Variants in GLYATL3 observed in about 807,000 individuals in gnomAD.
GLYATL3 encodes glycine N-acyltransferase-like protein 3.
Under a neutral mutation model 28.5 loss-of-function variants are expected in GLYATL3, and 31 were observed. The observed-to-expected ratio is 1.09, with a 90% confidence interval of 0.82 to 1.47. GLYATL3 has a LOEUF of 1.47. Ranked by LOEUF, GLYATL3 falls within the 40% of genes most tolerant of loss-of-function variation. The pLI, the probability that GLYATL3 is intolerant of heterozygous loss-of-function variation, is 0.00. For synonymous variants in GLYATL3, 141 were observed against 140.2 expected, an observed-to-expected ratio of 1.01 and a Z score of -0.04; for missense variants, 369 against 351.5, an observed-to-expected ratio of 1.05 and a Z score of -0.40.
rs951665406 is a variant in GLYATL3, at chr6:49,526,562, G to T, written c.515G>T (p.Gly172Val). Reference sequence around the variant, plus strand: ...CTACTCAACCGGACTTGGTCCCGGGGAGGCAATGAACAATGTCTCCGGTAC... The same window carrying T: ...CTACTCAACCGGACTTGGTCCCGGGTAGGCAATGAACAATGTCTCCGGTAC... ...ADLLNRTWSR[G>V]GNEQCLRYIA... The change falls in exon 6 of 6, where the codon GGA becomes GTA. Residue 172 changes from glycine (G) to valine (V), a missense_variant. Coordinates refer to ENST00000371197, the MANE Select transcript of GLYATL3 (RefSeq NM_001010904.2). 1.3e-6 allele frequency: 2 copies of T among 1,551,732 alleles called. No homozygotes were observed. The highest frequency in any genetic ancestry group is 2.7e-5 in the African/African-American group (2 of 73,044).
intron 1 of GLYATL3, among the ~76,000 whole-genome samples, chr6:49,511,343 T>C (rs1452600620): frequency 1.3e-5 from 2 of 152,104 alleles, no homozygotes; most frequent in African/African-American, 4.8e-5. Flanking sequence ...CTAAAATGAG[T>C]GTCAGCCTTT....
In GLYATL3 at chr6:49,518,951, GA is replaced by G. The variant is rs1253278584; in HGVS notation, c.313+1402del. On this transcript the variant is annotated intron_variant, in intron 4 of 5. Transcript: ENST00000371197. The stretch of plus-strand genomic sequence containing the variant: ...GCGAGACTCCATCTCAAAAAAAAAA[GA>G]AAAAAATTATTCGTAAATGCGCAAA... Among the ~76,000 whole-genome samples the G allele has an allele frequency of 1.1e-4, 16 of 146,686 alleles. No individual in the cohort carries two copies. The South Asian group carries it at 2.4e-3, about 22-fold the overall frequency.
intron 2 of GLYATL3, among the ~76,000 whole-genome samples, chr6:49,513,992 T>A (rs2035760280): frequency 6.6e-6 from 1 of 152,138 alleles, no homozygotes; most frequent in Non-Finnish European, 1.5e-5. Context: ...CCAATGTCCT[T>A]ATAAACAAAA....
chr6:49,527,012 CTT>C lies in GLYATL3; in HGVS notation c.*99_*100del. 2 of 918,410 alleles carry C rather than the reference CTT, an allele frequency of 2.2e-6. No individual in the cohort carries two copies. Among genetic ancestry groups the C allele is most frequent in the Non-Finnish European group, 3.2e-6 (2 of 626,372 alleles). 56.9% of individuals were successfully genotyped at this position (918,410 alleles called of 1,614,324 possible). A position where few individuals can be genotyped will look rare whatever the true frequency, so the allele number is the denominator to read the frequency against. ...GAGTTAAAATGGGAATCAGGGGACTCTTGAGTTGTTGGAAAGGGTCTGGAGAA... is the reference window on the plus strand; with the variant it reads ...GAGTTAAAATGGGAATCAGGGGACTCGAGTTGTTGGAAAGGGTCTGGAGAA... On this transcript the variant is annotated 3_prime_UTR_variant, in exon 6 of 6. Coordinates refer to ENST00000371197, the MANE Select transcript of GLYATL3 (RefSeq NM_001010904.2).
rs143728860 is a variant in GLYATL3, at chr6:49,524,744, C to T, written c.441-1744C>T. Among the ~76,000 whole-genome samples, 1,080 of 151,634 alleles carry T rather than the reference C, an allele frequency of 7.1e-3. 11 individuals carry two copies. Among genetic ancestry groups the T allele is most frequent in the Non-Finnish European group, 0.01 (707 of 67,864 alleles). On this transcript the variant is annotated intron_variant, in intron 5 of 5. Transcript: ENST00000371197. ...TCACACCTGTAATCCCAGCACTTGC[C>T]GAGGCGGGTAGATCACCCTGAGGTC...
At chr6:49,518,784 CAA>C (rs930274290) in intron 4 of GLYATL3, among the ~76,000 whole-genome samples, 11 of 151,656 alleles carry the variant, frequency 7.3e-5, no homozygotes, top group African/African-American at 1.2e-4. Flanking sequence ...ACTAAAAATA[CAA>C]AAAAATTAGC....
chr6:49,515,392 C>T (rs1769196912), intron 2 of GLYATL3, among the ~76,000 whole-genome samples: 1 of 152,152 alleles, frequency 6.6e-6, no homozygotes, highest in South Asian at 2.1e-4. Flanking sequence ...TGGTACCTCT[C>T]ACTGCTATCC....
chr6:49,515,631 GTC>G lies in GLYATL3; in HGVS notation c.79-18_79-17del. ...AAACAGCTAATAGTATGATTGGCTTGTCTCTGGGTTATCTGACTCAGGTTTAC... is the reference window on the plus strand; with the variant it reads ...AAACAGCTAATAGTATGATTGGCTTGTCTGGGTTATCTGACTCAGGTTTAC... On this transcript the variant is annotated intron_variant, in intron 2 of 5. Transcript: ENST00000371197. The G allele has an allele frequency of 7.2e-7, 1 of 1,386,154 alleles. No homozygotes were observed. 85.9% of individuals were successfully genotyped at this position (1,386,154 alleles called of 1,614,324 possible).
In GLYATL3 at chr6:49,501,129, G is replaced by T. The variant is rs1047824431; in HGVS notation, c.-29+1087G>T. On this transcript the variant is annotated intron_variant, in intron 1 of 5. Transcript: ENST00000371197. ...ATTAAGAAGCTGGAGGCCAGGCAGG[G>T]TGGCTCACACCTGTAATCCCAGCAC... Among the ~76,000 whole-genome samples the T allele has an allele frequency of 7.2e-5, 11 of 152,288 alleles. No individual in the cohort carries two copies. In the South Asian group the frequency reaches 1.9e-3, roughly 26 times the overall value.
chr6:49,504,704 T>C (rs1768979402), intron 1 of GLYATL3, among the ~76,000 whole-genome samples: 1 of 152,132 alleles, frequency 6.6e-6, no homozygotes, highest in Non-Finnish European at 1.5e-5. Flanking sequence ...GGAATATGAG[T>C]AATATGTTTA....
In GLYATL3 at chr6:49,526,289, T is replaced by C. The variant is rs1769410471; in HGVS notation, c.441-199T>C. ...ATTAGCTGGGATGGTGACGGGTGCC[T>C]GTAATCCCAGCTACTTGGGAGGCTG... On this transcript the variant is annotated intron_variant, in intron 5 of 5. Transcript: ENST00000371197. Among the ~76,000 whole-genome samples the C allele has an allele frequency of 2.0e-5, 3 of 152,160 alleles. No homozygotes were observed. The South Asian group carries it at 6.3e-4, about 32-fold the overall frequency.
At chr6:49,505,289 C>T (rs12198507) in intron 1 of GLYATL3, among the ~76,000 whole-genome samples, 12,971 of 152,184 alleles carry the variant, frequency 0.085, 632 homozygotes, top group Non-Finnish European at 0.11. Context: ...AGATTAGTGT[C>T]AGTAATATTT....
chr6:49,517,574 A>T lies in GLYATL3; in HGVS notation c.313+18A>T, dbSNP rs1769239296. 6.5e-7 allele frequency: 1 copy of T among 1,541,298 alleles called. No individual in the cohort carries two copies. Among genetic ancestry groups the T allele is most frequent in the Admixed American group, 2.0e-5 (1 of 49,640 alleles). ...AATACAAGGTGAGGTCAAGTGCAAG[A>T]CTTATATTACACAGTCTTTTTTTTC... On this transcript the variant is annotated intron_variant, in intron 4 of 5. Transcript: ENST00000371197.
chr6:49,504,096 G>A (rs1049755481), intron 1 of GLYATL3, among the ~76,000 whole-genome samples: 5 of 152,184 alleles, frequency 3.3e-5, no homozygotes, highest in Admixed American at 6.5e-5. Flanking sequence ...GTGACAGAGG[G>A]TAAAAGGATC....
At chr6:49,522,269 C>T (rs554020880) in intron 5 of GLYATL3, among the ~76,000 whole-genome samples, 2 of 152,210 alleles carry the variant, frequency 1.3e-5, no homozygotes, top group Admixed American at 1.3e-4. Context: ...CCCTCCCACC[C>T]CCACACACCT....
intron 1 of GLYATL3, among the ~76,000 whole-genome samples, chr6:49,500,840 G>T (rs942152700): frequency 3.3e-5 from 5 of 152,154 alleles, no homozygotes; most frequent in African/African-American, 1.2e-4. Context: ...TTACAAAAAT[G>T]TGTAGAAAAT....
intron 1 of GLYATL3, among the ~76,000 whole-genome samples, chr6:49,504,274 G>C (rs1032482200): frequency 1.5e-5 from 2 of 130,926 alleles, no homozygotes; most frequent in Admixed American, 1.6e-4. Context: ...TGTGTTAGTT[G>C]TTTTTTGCTG....
Position 49,501,578 on chromosome 6 carries a change from G to A in GLYATL3, c.-29+1536G>A, listed in dbSNP as rs556251038. On this transcript the variant is annotated intron_variant, in intron 1 of 5. Transcript: ENST00000371197. Reference sequence around the variant, plus strand: ...TACAGAGATAAGAATTTACAATATAGTGTGTGCATCAGTAATTTCTAACAG... The same window carrying A: ...TACAGAGATAAGAATTTACAATATAATGTGTGCATCAGTAATTTCTAACAG... Among the ~76,000 whole-genome samples the A allele has an allele frequency of 2.5e-3, 385 of 152,294 alleles. 1 individual carries two copies. The highest frequency in any genetic ancestry group is 8.7e-3 in the African/African-American group (360 of 41,538).
chr6:49,507,959 A>G (rs111598530), intron 1 of GLYATL3, among the ~76,000 whole-genome samples: 39 of 152,282 alleles, frequency 2.6e-4, no homozygotes, highest in African/African-American at 8.9e-4. Context: ...TCTTTAACAT[A>G]ATATCTGTAT....
Sources: allele counts gnomAD v4.1 joint callset (sites outside exome capture counted in the v4.1 genomes callset), GRCh38; gene constraint gnomAD v4.1.1; transcripts MANE v1.5; gene names NCBI Gene and HGNC (gene_info 2026-07-23, HGNC 2026-07-21).